The following PCDH15 variants were observed in gnomAD, a reference collection of about 807,000 sequenced individuals.
PCDH15 encodes the protein protocadherin-15.
PCDH15 carries 129 observed loss-of-function variants against 178.5 expected under a neutral mutation model. That is an observed-to-expected ratio of 0.72 (90% CI 0.63 to 0.84). The LOEUF (loss-of-function observed/expected upper bound fraction) is 0.84. Among genes scored for constraint, PCDH15 ranks in the 40% least tolerant of loss-of-function variants. PCDH15 has a pLI of 0.00. For missense variants in PCDH15, 2,230 were observed against 2,099.9 expected, an observed-to-expected ratio of 1.06 and a Z score of -1.21; for synonymous variants, 800 against 732.0, an observed-to-expected ratio of 1.09 and a Z score of -1.50.
At position 55,190,595 on chromosome 10, in the gene PCDH15, TTAATAA is replaced by T. The variant is rs910603945; in HGVS notation, c.-155-23950_-155-23945del. ...CATAAACTGGTCACAAAAATACTGTTTAATAATAATTTAATAATTGACCAAGTGTTC... is the reference window on the plus strand; with the variant it reads ...CATAAACTGGTCACAAAAATACTGTTTAATTTAATAATTGACCAAGTGTTC... On this transcript the variant is annotated intron_variant, in intron 1 of 5. Coordinates refer to the PCDH15 transcript ENST00000458638. Among the ~76,000 whole-genome samples, 62 of 151,828 alleles carry T rather than the reference TTAATAA, an allele frequency of 4.1e-4. 1 individual carries two copies. Among genetic ancestry groups the T allele is most frequent in the African/African-American group, 1.3e-3 (55 of 41,436 alleles).
At chr10:54,990,024 C>T (rs752326865) in intron 2 of PCDH15, among the ~76,000 whole-genome samples, 1 of 152,180 alleles carries the variant, frequency 6.6e-6, no homozygotes, top group Non-Finnish European at 1.5e-5. Context: ...TAAGATGTGA[C>T]TTGCTCCTCC....
chr10:54,322,439 G>A (rs1022062675), intron 7 of PCDH15, among the ~76,000 whole-genome samples: 14 of 151,802 alleles, frequency 9.2e-5, no homozygotes, highest in Non-Finnish European at 1.0e-4. Flanking sequence ...ATTCTAGTTG[G>A]CAAGCAAGAA....
intron 15 of PCDH15, among the ~76,000 whole-genome samples, chr10:54,111,964 C>A (rs4007258): frequency 3.1e-4 from 42 of 135,494 alleles, no homozygotes; most frequent in African/African-American, 3.8e-4. Flanking sequence ...CCATCTCTAC[C>A]AAAAATACAA....
intron 1 of PCDH15, among the ~76,000 whole-genome samples, chr10:55,223,035 T>C (rs1488466304): frequency 6.6e-6 from 1 of 152,120 alleles, no homozygotes; most frequent in Non-Finnish European, 1.5e-5. Context: ...CAGTGCTTTC[T>C]GCAATGATGG....
At chr10:54,213,803 T>C (rs1276778445) in intron 10 of PCDH15, 133 bp downstream of exon 10, 7 of 598,764 alleles carry the variant, frequency 1.2e-5, no homozygotes, top group African/African-American at 1.9e-5. Context: ...ATTTTCTTTT[T>C]AACAAAAAAT....
chr10:55,081,368 C>T (rs1398587895), intron 2 of PCDH15, among the ~76,000 whole-genome samples: 2 of 152,152 alleles, frequency 1.3e-5, no homozygotes, highest in African/African-American at 4.8e-5. Context: ...AGATGCTAAT[C>T]TCATTTATGA....
At chr10:54,190,277 A>G (rs2133865193) in intron 11 of PCDH15, among the ~76,000 whole-genome samples, 1 of 152,144 alleles carries the variant, frequency 6.6e-6, no homozygotes, top group East Asian at 1.9e-4. Flanking sequence ...GACAACTTCC[A>G]CTTTTATGCT....
At chr10:54,075,411 A>G (rs2094324165) in intron 17 of PCDH15, among the ~76,000 whole-genome samples, 1 of 152,118 alleles carries the variant, frequency 6.6e-6, no homozygotes, top group South Asian at 2.1e-4. Context: ...TATTTTGAAT[A>G]TTAATGACTT....
In PCDH15 at chr10:53,888,554, G is replaced by A. The variant is rs547835242; in HGVS notation, c.3501+14689C>T. Among the ~76,000 whole-genome samples the A allele has an allele frequency of 2.5e-4, 32 of 125,508 alleles. No homozygotes were observed. In the South Asian group the frequency reaches 5.0e-3, roughly 20 times the overall value. 82.3% of individuals were successfully genotyped at this position (125,508 alleles called of 152,430 possible). On this transcript the variant is annotated intron_variant, in intron 26 of 37. Coordinates refer to ENST00000644397, the MANE Select transcript of PCDH15 (RefSeq NM_001384140.1). ...TCAGCAATATCTGAGAACTTCAGTC[G>A]CTTCACAATTTGATTTTGTCTGTTT...
rs1380425083 is a variant in PCDH15, at chr10:54,605,981, G to A, written c.91+58191C>T. ...TTATCATTAGAGTGAGCAAGTGGGA[G>A]AATTTGTGGAAATATCCACATGCCT... On this transcript the variant is annotated intron_variant, in intron 2 of 37. Transcript: ENST00000644397. 5 of 152,234 alleles carry A rather than the reference G, an allele frequency of 3.3e-5. No individual in the cohort carries two copies. The South Asian group carries it at 1.0e-3, about 32-fold the overall frequency. The allele number at this position is 152,234 out of a possible 1,614,324, so 9.4% of individuals were successfully genotyped here.
intron 9 of PCDH15, among the ~76,000 whole-genome samples, chr10:54,228,227 A>G (rs913962769): frequency 6.6e-6 from 1 of 152,218 alleles, no homozygotes; most frequent in Non-Finnish European, 1.5e-5. Context: ...TTGGACTTAC[A>G]GTTCCACGTG....
At chr10:55,305,037 C>T (rs1009550040) in intron 1 of PCDH15, among the ~76,000 whole-genome samples, 5 of 152,206 alleles carry the variant, frequency 3.3e-5, no homozygotes, top group South Asian at 2.1e-4. Flanking sequence ...GAAGAAGTAA[C>T]GCTATCTGTG....
intron 1 of PCDH15, among the ~76,000 whole-genome samples, chr10:55,285,839 A>G (rs772230527): frequency 3.3e-5 from 5 of 151,826 alleles, no homozygotes; most frequent in Non-Finnish European, 7.4e-5. Flanking sequence ...GCAAGCTATG[A>G]CTCTGTTTTT....
intron 2 of PCDH15, among the ~76,000 whole-genome samples, chr10:55,407,739 AC>A (rs1378217273): frequency 6.6e-6 from 1 of 152,206 alleles, no homozygotes; most frequent in Non-Finnish European, 1.5e-5. Context: ...TGTACTGATT[AC>A]TTATAAGACG....
At chr10:54,466,999 A>G (rs1052920847) in intron 3 of PCDH15, among the ~76,000 whole-genome samples, 1 of 151,956 alleles carries the variant, frequency 6.6e-6, no homozygotes, top group African/African-American at 2.4e-5. Context: ...GTGTATGATT[A>G]ATATTGTATC....
chr10:54,006,093 T>C (rs1042989558), intron 20 of PCDH15, among the ~76,000 whole-genome samples: 8 of 152,170 alleles, frequency 5.3e-5, no homozygotes, highest in African/African-American at 1.9e-4. Context: ...TATGGAGCCA[T>C]GGGAGAGATT....
At position 53,978,181 on chromosome 10, in the gene PCDH15, CT is replaced by C. The variant is rs1246199513; in HGVS notation, c.2869-16290del. Among the ~76,000 whole-genome samples, 28 of 152,304 alleles carry C rather than the reference CT, an allele frequency of 1.8e-4. 1 individual carries two copies. The highest frequency in any genetic ancestry group is 6.8e-3 in the Middle Eastern group (2 of 294). On this transcript the variant is annotated intron_variant, in intron 21 of 37. Transcript: ENST00000644397. ...GTGGGGGCTCCCACCACACATTTCT[CT>C]TCTGTACTTCCCTAGCAGAGGTTCT...
rs149451584 is a variant in PCDH15, at chr10:54,456,994, C to A, written c.157+70818G>T. Among the ~76,000 whole-genome samples, 138 of 152,198 alleles carry A rather than the reference C, an allele frequency of 9.1e-4. 1 individual carries two copies. Among genetic ancestry groups the A allele is most frequent in the African/African-American group, 3.2e-3 (133 of 41,528 alleles). On this transcript the variant is annotated intron_variant, in intron 3 of 37. Coordinates refer to ENST00000644397, the MANE Select transcript of PCDH15 (RefSeq NM_001384140.1). ...ACTGTGAGTTTATTGAACCTCTTAT[C>A]TTTATAAACTACCCAGTCACAGGTG...
At chr10:54,664,960 G>A (rs2094547377) in intron 1 of PCDH15, among the ~76,000 whole-genome samples, 1 of 150,726 alleles carries the variant, frequency 6.6e-6, no homozygotes, top group South Asian at 2.1e-4. Context: ...TTAGTGGCCT[G>A]TGAGCACATG....
Sources: gnomAD v4.1 joint callset for allele counts (sites outside exome capture counted in the v4.1 genomes callset) on GRCh38, gnomAD v4.1.1 for gene constraint, MANE v1.5 for transcripts, NCBI Gene and HGNC (gene_info 2026-07-23, HGNC 2026-07-21) for gene names.